Variants in FHIT observed in about 807,000 individuals in gnomAD.
FHIT encodes fragile histidine triad diadenosine triphosphatase.
In FHIT, 19 loss-of-function variants were observed where a neutral mutation model predicts 17.9. The ratio of observed to expected loss-of-function variants is 1.06; its 90% confidence interval spans 0.74 to 1.56. FHIT has a LOEUF of 1.56. Among genes scored for constraint, FHIT ranks in the 40% most tolerant of loss-of-function variants. FHIT has a pLI of 0.00. For missense variants in FHIT, 248 were observed against 189.2 expected (o/e 1.31, Z -1.82); for synonymous variants, 81 against 69.7 (o/e 1.16, Z -0.81).
At chr3:60,031,159 A>G (rs73840519) in intron 5 of FHIT, among the ~76,000 whole-genome samples, 1,824 of 152,288 alleles carry the variant, frequency 0.012, 33 homozygotes, top group African/African-American at 0.041. Flanking sequence ...GTTTCTACAA[A>G]ACACGTTTTA....
chr3:60,474,720 T>C (rs1352506858), intron 5 of FHIT, among the ~76,000 whole-genome samples: 3 of 151,322 alleles, frequency 2.0e-5, no homozygotes, highest in Middle Eastern at 3.2e-3. Context: ...GCCTCCCGGG[T>C]TCAAGAGATT....
intron 5 of FHIT, among the ~76,000 whole-genome samples, chr3:60,080,259 T>A (rs912321193): frequency 7.9e-5 from 12 of 152,090 alleles, no homozygotes; most frequent in African/African-American, 2.9e-4. Context: ...ACACTACCTT[T>A]GACAATGCTT....
chr3:60,600,589 C>T (rs2682966), intron 4 of FHIT, among the ~76,000 whole-genome samples: 13 of 152,068 alleles, frequency 8.5e-5, no homozygotes, highest in African/African-American at 2.7e-4. Flanking sequence ...GATTCTGATA[C>T]GTCAGCCCCA....
intron 4 of FHIT, among the ~76,000 whole-genome samples, chr3:60,694,806 T>C (rs145439368): frequency 0.073 from 11,108 of 151,944 alleles, 695 homozygotes; most frequent in African/African-American, 0.17. Context: ...CAGCAAACTA[T>C]GGCAAGGACA....
At chr3:59,808,066 C>A (rs1700272078) in intron 8 of FHIT, among the ~76,000 whole-genome samples, 1 of 151,828 alleles carries the variant, frequency 6.6e-6, no homozygotes, top group East Asian at 1.9e-4. Flanking sequence ...ACCCTGCACC[C>A]ATTAAGTGGT....
intron 3 of FHIT, among the ~76,000 whole-genome samples, chr3:61,009,883 T>C (rs1277612963): frequency 6.6e-6 from 1 of 152,192 alleles, no homozygotes; most frequent in Non-Finnish European, 1.5e-5. Context: ...AAATACCCTT[T>C]AGGAAATAAC....
intron 5 of FHIT, among the ~76,000 whole-genome samples, chr3:60,240,731 T>A (rs1705082620): frequency 6.6e-6 from 1 of 152,158 alleles, no homozygotes. Flanking sequence ...TGCACTCCTT[T>A]GTTTGTGGAG....
At chr3:60,454,558 G>T (rs943062153) in intron 5 of FHIT, among the ~76,000 whole-genome samples, 1 of 151,552 alleles carries the variant, frequency 6.6e-6, no homozygotes, top group Non-Finnish European at 1.5e-5. Flanking sequence ...CTAATTTTTG[G>T]TATTTTTAGT....
At chr3:61,176,077 T>C (rs141865479) in intron 2 of FHIT, among the ~76,000 whole-genome samples, 1 of 152,338 alleles carries the variant, frequency 6.6e-6, no homozygotes, top group East Asian at 1.9e-4. Flanking sequence ...AGTAAATAGA[T>C]AACTGATGAA....
At chr3:60,400,032 T>C (rs2687152) in intron 5 of FHIT, among the ~76,000 whole-genome samples, 147,245 of 152,216 alleles carry the variant, frequency 0.97, 71,411 homozygotes, top group East Asian at 1. Context: ...TTATGTAAGT[T>C]AGCAATGACT....
At chr3:60,648,913 G>C (rs1206627489) in intron 4 of FHIT, among the ~76,000 whole-genome samples, 1 of 152,158 alleles carries the variant, frequency 6.6e-6, no homozygotes, top group Non-Finnish European at 1.5e-5. Flanking sequence ...ATAAAGCTGT[G>C]GCAGTGGTGG....
chr3:61,085,803 G>A (rs1191503758), intron 2 of FHIT, among the ~76,000 whole-genome samples: 1 of 152,048 alleles, frequency 6.6e-6, no homozygotes, highest in Non-Finnish European at 1.5e-5. Context: ...TTTGTATACA[G>A]TACAGGCTAA....
intron 7 of FHIT, among the ~76,000 whole-genome samples, chr3:59,965,205 G>A (rs1224404008): frequency 6.6e-6 from 1 of 152,058 alleles, no homozygotes; most frequent in Non-Finnish European, 1.5e-5. Context: ...TAAATTTGTA[G>A]GGCTTTAAAT....
chr3:61,044,324 T>C (rs1028155462), intron 2 of FHIT, among the ~76,000 whole-genome samples: 2 of 152,108 alleles, frequency 1.3e-5, no homozygotes, highest in Admixed American at 6.5e-5. Context: ...GCTCAAGAAC[T>C]ACATGACACA....
intron 5 of FHIT, among the ~76,000 whole-genome samples, chr3:60,373,550 T>G (rs1700425155): frequency 6.6e-6 from 1 of 151,664 alleles, no homozygotes; most frequent in African/African-American, 2.4e-5. Context: ...CCAAGAAAGG[T>G]TTTTAAAGCA....
At chr3:60,295,555 C>G (rs930161631) in intron 5 of FHIT, among the ~76,000 whole-genome samples, 4 of 151,926 alleles carry the variant, frequency 2.6e-5, no homozygotes, top group Admixed American at 2.0e-4. Context: ...TCATTGCTAC[C>G]CGGACAGCAC....
At chr3:60,038,963 G>C (rs887999660) in intron 5 of FHIT, among the ~76,000 whole-genome samples, 6 of 152,134 alleles carry the variant, frequency 3.9e-5, no homozygotes, top group Admixed American at 3.9e-4. Context: ...TTCTGGAGGG[G>C]GTGGTCAGGA....
At chr3:60,474,233 A>G (rs775759579) in intron 5 of FHIT, among the ~76,000 whole-genome samples, 13 of 152,226 alleles carry the variant, frequency 8.5e-5, no homozygotes, top group Non-Finnish European at 5.9e-5. Context: ...GCAAAGCCTA[A>G]ATAATTTTCT....
At chr3:59,777,149 AT>A (rs1295440550) in intron 8 of FHIT, among the ~76,000 whole-genome samples, 1 of 152,030 alleles carries the variant, frequency 6.6e-6, no homozygotes, top group African/African-American at 2.4e-5. Flanking sequence ...CACCTTCGAA[AT>A]GTCAGGGTGG....
Sources: gnomAD v4.1 joint callset for allele counts (sites outside exome capture counted in the v4.1 genomes callset) on GRCh38, gnomAD v4.1.1 for gene constraint, MANE v1.5 for transcripts, NCBI Gene and HGNC (gene_info 2026-07-23, HGNC 2026-07-21) for gene names.